The following DPP6 variants were observed in gnomAD, a reference collection of about 807,000 sequenced individuals.
DPP6 encodes A-type potassium channel modulatory protein DPP6.
DPP6 carries 69 observed loss-of-function variants against 122.6 expected under a neutral mutation model. The ratio of observed to expected loss-of-function variants is 0.56; its 90% CI spans 0.46 to 0.69. The LOEUF is 0.69. DPP6 is among the 30% of genes least tolerant of loss of function. The pLI is 0.00. For synonymous variants in DPP6, 418 were observed against 433.1 expected, an observed-to-expected ratio of 0.97 and a Z score of 0.43; for missense variants, 928 against 1,116.9, an observed-to-expected ratio of 0.83 and a Z score of 2.41.
chr7:153,864,756 T>C, the DPP6 span, among the ~76,000 whole-genome samples: 7 of 151,644 alleles, frequency 4.6e-5, no homozygotes, highest in Non-Finnish European at 8.8e-5. Flanking sequence ...GAAAATATAA[T>C]GTATGTGTTA....
intron 1 of DPP6, among the ~76,000 whole-genome samples, chr7:153,994,018 T>C (rs1460774940): frequency 1.3e-5 from 2 of 152,226 alleles, no homozygotes; most frequent in East Asian, 1.9e-4. Flanking sequence ...GCTAATATTA[T>C]AGAATTACAC....
chr7:153,864,844 T>A, the DPP6 span, among the ~76,000 whole-genome samples: 1 of 152,264 alleles, frequency 6.6e-6, no homozygotes, highest in South Asian at 2.1e-4. Context: ...ATTACTGAGA[T>A]GGATGGCAGT....
chr7:154,674,481 G>A (rs3807222), intron 7 of DPP6, among the ~76,000 whole-genome samples: 47,773 of 152,002 alleles, frequency 0.31, 9,127 homozygotes, highest in Non-Finnish European at 0.44. Flanking sequence ...GCATCATCAC[G>A]TTTTCCTTTG....
intron 1 of DPP6, among the ~76,000 whole-genome samples, chr7:154,119,003 A>C (rs1807216613): frequency 6.6e-6 from 1 of 152,058 alleles, no homozygotes; most frequent in Non-Finnish European, 1.5e-5. Context: ...ACAGTTTTAC[A>C]TCATCTCAGG....
intron 1 of DPP6, among the ~76,000 whole-genome samples, chr7:153,905,692 C>T (rs901748835): frequency 6.6e-6 from 1 of 152,218 alleles, no homozygotes; most frequent in South Asian, 2.1e-4. Context: ...ACCTGGGTAT[C>T]TATAACTTGT....
exon 1 of DPP6, chr7:153,887,352 C>G (rs1798973865): frequency 4.7e-6 from 1 of 213,954 alleles, no homozygotes. Context: ...AGCTGCCTCT[C>G]GCCCTCGCTA....
intron 21 of DPP6, chr7:154,883,775 G>A (rs894164921): frequency 3.6e-5 from 5 of 138,156 alleles, no homozygotes; most frequent in Non-Finnish European, 7.7e-5. Context: ...ACACACACAT[G>A]CTCACACAAT....
chr7:153,977,127 A>G (rs1477418497), intron 1 of DPP6, among the ~76,000 whole-genome samples: 1 of 151,820 alleles, frequency 6.6e-6, no homozygotes, highest in Non-Finnish European at 1.5e-5. Flanking sequence ...TCTCTTTAGG[A>G]GTCTCTAGAC....
chr7:154,889,140 G>A lies in DPP6; in HGVS notation c.2305-132G>A, dbSNP rs1006689761. ...CCCTGCATTTCTTTGCAGATATAAGGCATCCCGGTTCTCCGGGAACTTAGT... is the reference window on the plus strand; with the variant it reads ...CCCTGCATTTCTTTGCAGATATAAGACATCCCGGTTCTCCGGGAACTTAGT... On this transcript the variant is annotated intron_variant, in intron 23 of 25. Transcript: ENST00000377770. The A allele has an allele frequency of 8.0e-6, 11 of 1,374,454 alleles. No individual in the cohort carries two copies. The Admixed American group carries it at 1.4e-4, about 17-fold the overall frequency. The allele number at this position is 1,374,454 out of a possible 1,614,324, so 85.1% of individuals were successfully genotyped here. A position where few individuals can be genotyped will look rare whatever the true frequency, so the allele number is the denominator to read the frequency against.
chr7:153,788,702 G>A, the DPP6 span, among the ~76,000 whole-genome samples: 3 of 152,132 alleles, frequency 2.0e-5, no homozygotes, highest in African/African-American at 7.2e-5. Context: ...AGTGGCTCAC[G>A]CCTGTAATCT....
At chr7:154,592,383 G>A (rs766756422) in intron 5 of DPP6, among the ~76,000 whole-genome samples, 2 of 152,196 alleles carry the variant, frequency 1.3e-5, no homozygotes, top group Non-Finnish European at 2.9e-5. Flanking sequence ...CTGCCAATAC[G>A]CATCCGTTTA....
At chr7:154,173,530 TC>T (rs1333165635) in intron 1 of DPP6, among the ~76,000 whole-genome samples, 2 of 152,078 alleles carry the variant, frequency 1.3e-5, no homozygotes, top group African/African-American at 4.8e-5. Flanking sequence ...GACTCCTCTC[TC>T]TCTGCCTTCT....
intron 1 of DPP6, among the ~76,000 whole-genome samples, chr7:154,314,978 C>T (rs1371539160): frequency 6.6e-6 from 1 of 152,202 alleles, no homozygotes; most frequent in Non-Finnish European, 1.5e-5. Flanking sequence ...CATGGACAAA[C>T]ACAGCCATTT....
At chr7:154,253,006 A>C (rs534880801) in intron 1 of DPP6, among the ~76,000 whole-genome samples, 1 of 152,356 alleles carries the variant, frequency 6.6e-6, no homozygotes, top group South Asian at 2.1e-4. Context: ...AATATTGGGT[A>C]AACATGGAAA....
chr7:154,054,273 CCT>C (rs1318990121), intron 1 of DPP6, among the ~76,000 whole-genome samples: 3 of 152,142 alleles, frequency 2.0e-5, no homozygotes, highest in Admixed American at 1.3e-4. Flanking sequence ...ACGCTGGTTC[CCT>C]GTTTCGTATT....
At chr7:154,093,514 A>G (rs1243000903) in intron 1 of DPP6, among the ~76,000 whole-genome samples, 1 of 125,046 alleles carries the variant, frequency 8.0e-6, no homozygotes, top group East Asian at 2.4e-4. Context: ...TGCAAACACC[A>G]CATACACCAT....
intron 1 of DPP6, among the ~76,000 whole-genome samples, chr7:153,898,457 AAATAAT>A (rs1170600957): frequency 6.6e-6 from 1 of 152,172 alleles, no homozygotes; most frequent in Non-Finnish European, 1.5e-5. Flanking sequence ...GTCTGTAAAA[AAATAAT>A]AATAATTAGA....
At chr7:154,623,092 G>T (rs2130861147) in intron 5 of DPP6, among the ~76,000 whole-genome samples, 1 of 152,268 alleles carries the variant, frequency 6.6e-6, no homozygotes, top group East Asian at 1.9e-4. Flanking sequence ...AGCCTCATCA[G>T]TGGGGTCCAC....
At position 154,241,185 on chromosome 7, in the gene DPP6, ATGTG is replaced by A. The variant is rs1554498771; in HGVS notation, c.243+188154_243+188157del. ...GCACAGTAGGTAATTCAATATCAAT[ATGTG>A]TGTGTGTGTGTGTGTGTGTGTGTGT... On this transcript the variant is annotated intron_variant, in intron 1 of 25. Coordinates refer to ENST00000377770, the MANE Select transcript of DPP6 (RefSeq NM_130797.4). The surrounding 1 kb of genome is among the most constrained non-coding windows in gnomAD (Gnocchi z 9.0). 1.2e-4 allele frequency among the ~76,000 whole-genome samples: 16 copies of A among 136,298 alleles called. No homozygotes were observed. Among genetic ancestry groups the A allele is most frequent in the East Asian group, 1.1e-3 (5 of 4,696 alleles). 89.4% of individuals were successfully genotyped at this position (136,298 alleles called of 152,430 possible).
Sources: allele counts gnomAD v4.1 joint callset (sites outside exome capture counted in the v4.1 genomes callset), GRCh38; gene constraint gnomAD v4.1.1; non-coding constraint Gnocchi (gnomAD v3.1); transcripts MANE v1.5; gene names NCBI Gene and HGNC (gene_info 2026-07-23, HGNC 2026-07-21).